Variants in BIN3 observed in about 807,000 individuals in gnomAD.
BIN3 encodes the protein bridging integrator 3.
BIN3 carries 41 observed loss-of-function variants against 38.2 expected under a neutral mutation model. That is an observed-to-expected ratio of 1.07 (90% CI 0.84 to 1.39). The LOEUF (loss-of-function observed/expected upper bound fraction) is 1.39. Among genes scored for constraint, BIN3 ranks in the 40% most tolerant of loss-of-function variants. The probability of loss-of-function intolerance (pLI) is 0.00; values close to 1 mark genes in which losing one functional copy is unlikely to be tolerated. For missense variants in BIN3, 361 were observed against 324.3 expected (o/e 1.11, Z -0.87); for synonymous variants, 145 against 122.6 (o/e 1.18, Z -1.21).
intron 6 of BIN3, among the ~76,000 whole-genome samples, chr8:22,627,429 C>T (rs1370417554): frequency 6.6e-6 from 1 of 152,204 alleles, no homozygotes. Flanking sequence ...CCGGGGTGGA[C>T]AGTGGATGTG....
intron 2 of BIN3, chr8:22,644,505 G>A: frequency 2.1e-6 from 1 of 479,494 alleles, no homozygotes; most frequent in Non-Finnish European, 3.9e-6. Context: ...CTACATTTTT[G>A]TAATCCACCC....
At chr8:22,639,311 A>G (rs1248796861) in intron 2 of BIN3, among the ~76,000 whole-genome samples, 1 of 151,498 alleles carries the variant, frequency 6.6e-6, no homozygotes, top group Admixed American at 6.6e-5. Context: ...GGCTCACTGC[A>G]GCCTTGACCT....
intron 1 of BIN3, among the ~76,000 whole-genome samples, chr8:22,668,813 C>A (rs1298669974): frequency 6.6e-6 from 1 of 152,238 alleles, no homozygotes; most frequent in African/African-American, 2.4e-5. Context: ...GGGTCAGACG[C>A]GGAGTCCCAG....
At position 22,621,314 on chromosome 8, in the gene BIN3, C is replaced by T. The variant is rs549133253; in HGVS notation, c.*108G>A. 1.1e-5 allele frequency: 16 copies of T among 1,415,350 alleles called. No homozygotes were observed. The East Asian group carries it at 2.3e-4, about 20-fold the overall frequency. 87.7% of individuals were successfully genotyped at this position (1,415,350 alleles called of 1,614,324 possible). ...TCATTGCAAAGGGCCGGCAAGTGAA[C>T]CAGGGCCACCTCTGTCCCCAGCCTG... On this transcript the variant is annotated 3_prime_UTR_variant, in exon 9 of 9. Transcript: ENST00000276416.
intron 7 of BIN3, 41 bp from the exon 8 acceptor site, chr8:22,624,090 G>A: frequency 6.2e-7 from 1 of 1,605,870 alleles, no homozygotes; most frequent in Non-Finnish European, 8.5e-7. Context: ...TCTCACTGCT[G>A]GGTGCCGGAT....
chr8:22,659,490 T>C (rs148746634), intron 1 of BIN3, among the ~76,000 whole-genome samples: 1 of 152,194 alleles, frequency 6.6e-6, no homozygotes, highest in South Asian at 2.1e-4. Context: ...CTCTGAAAAG[T>C]AAAGACAGAA....
At chr8:22,627,891 C>T (rs1020810565) in intron 6 of BIN3, among the ~76,000 whole-genome samples, 5 of 152,254 alleles carry the variant, frequency 3.3e-5, no homozygotes, top group African/African-American at 1.2e-4. Flanking sequence ...TGTGGCTTTC[C>T]ACTAGACTGT....
intron 6 of BIN3, chr8:22,625,680 T>G (rs79101411): frequency 5.4e-6 from 2 of 373,444 alleles, no homozygotes; most frequent in African/African-American, 4.0e-5. Flanking sequence ...CTCCACCTCC[T>G]GGGTTCCAGC....
rs115614249 is a variant in BIN3 at position 22,641,256 on chromosome 8, G to A, written c.57+3499C>T. On this transcript the variant is annotated intron_variant, in intron 2 of 8. Coordinates refer to ENST00000276416, the MANE Select transcript of BIN3 (RefSeq NM_018688.6). Reference sequence around the variant, plus strand: ...TCAGGGCAAGCTGGGCCAGGCTGGCGAGGTTAGCTCAGGGAGAACCAAGCC... The same window carrying A: ...TCAGGGCAAGCTGGGCCAGGCTGGCAAGGTTAGCTCAGGGAGAACCAAGCC... 3.9e-3 allele frequency among the ~76,000 whole-genome samples: 597 copies of A among 152,306 alleles called. 3 individuals are homozygous for A. Among genetic ancestry groups the A allele is most frequent in the African/African-American group, 0.013 (555 of 41,558 alleles).
chr8:22,641,967 T>C (rs899730910), intron 2 of BIN3, among the ~76,000 whole-genome samples: 5 of 152,060 alleles, frequency 3.3e-5, no homozygotes, highest in Admixed American at 1.3e-4. Context: ...GGGGGAGCTT[T>C]TGTTCCTCCA....
chr8:22,668,471 G>A (rs1803498804), intron 1 of BIN3, among the ~76,000 whole-genome samples: 1 of 152,200 alleles, frequency 6.6e-6, no homozygotes. Context: ...AATAGCTCTG[G>A]AATGATTAAA....
At chr8:22,643,280 C>T (rs1034929381) in intron 2 of BIN3, among the ~76,000 whole-genome samples, 13 of 152,196 alleles carry the variant, frequency 8.5e-5, no homozygotes, top group Admixed American at 1.3e-4. Flanking sequence ...GAGAGGTCAG[C>T]GCTGAGTTGG....
chr8:22,660,448 T>C (rs780881042), intron 1 of BIN3, among the ~76,000 whole-genome samples: 1 of 152,220 alleles, frequency 6.6e-6, no homozygotes, highest in Non-Finnish European at 1.5e-5. Context: ...AATCTCACCT[T>C]TGCTCCTGTC....
intron 1 of BIN3, among the ~76,000 whole-genome samples, chr8:22,652,553 C>G (rs987235546): frequency 6.6e-6 from 1 of 152,224 alleles, no homozygotes; most frequent in Non-Finnish European, 1.5e-5. Flanking sequence ...CCTTGGCACT[C>G]TGAGGGTGTG....
At chr8:22,635,479 C>T (rs1802338137) in intron 4 of BIN3, among the ~76,000 whole-genome samples, 1 of 152,124 alleles carries the variant, frequency 6.6e-6, no homozygotes, top group Non-Finnish European at 1.5e-5. Context: ...CACGGCTTCC[C>T]CACTGGACCC....
intron 2 of BIN3, among the ~76,000 whole-genome samples, chr8:22,641,330 C>T (rs990403458): frequency 2.0e-5 from 3 of 152,178 alleles, no homozygotes; most frequent in African/African-American, 4.8e-5. Flanking sequence ...CCAAGGCCCA[C>T]GGTGGGAGGA....
intron 4 of BIN3, among the ~76,000 whole-genome samples, chr8:22,634,818 G>T (rs1405302398): frequency 6.6e-6 from 1 of 152,164 alleles, no homozygotes; most frequent in Non-Finnish European, 1.5e-5. Context: ...GAATGAGTGG[G>T]GCATGGGGAG....
intron 4 of BIN3, among the ~76,000 whole-genome samples, chr8:22,632,451 C>A (rs911871559): frequency 2.0e-5 from 3 of 152,166 alleles, no homozygotes; most frequent in Non-Finnish European, 4.4e-5. Flanking sequence ...TGTAAACTTT[C>A]CAGAAATGTT....
chr8:22,641,208 CAT>C (rs111994113), intron 2 of BIN3, among the ~76,000 whole-genome samples: 2,734 of 152,330 alleles, frequency 0.018, 77 homozygotes, highest in African/African-American at 0.06. Flanking sequence ...AGTATAAACA[CAT>C]GTGCACGGAC....
Sources: gnomAD v4.1 joint callset for allele counts (sites outside exome capture counted in the v4.1 genomes callset) on GRCh38, gnomAD v4.1.1 for gene constraint, MANE v1.5 for transcripts, NCBI Gene and HGNC (gene_info 2026-07-23, HGNC 2026-07-21) for gene names.